Variants in PVT1 observed in about 807,000 individuals in gnomAD.
The protein encoded by PVT1 is Pvt1 oncogene.
chr8:127,903,879 T>C (rs967518716), intron 3 of PVT1, among the ~76,000 whole-genome samples: 3 of 152,258 alleles, frequency 2.0e-5, no homozygotes, highest in African/African-American at 4.8e-5. Context: ...GCTTTGTTCT[T>C]ATTTCTTAGA....
At chr8:128,079,651 C>CA (rs1184038318) in intron 5 of PVT1, among the ~76,000 whole-genome samples, 1 of 152,224 alleles carries the variant, frequency 6.6e-6, no homozygotes, top group Non-Finnish European at 1.5e-5. Context: ...TAACCCCTGG[C>CA]AACCCACTAA....
intron 4 of PVT1, among the ~76,000 whole-genome samples, chr8:128,064,089 G>A (rs775430882): frequency 2.6e-4 from 40 of 152,176 alleles, no homozygotes; most frequent in Non-Finnish European, 3.1e-4. Context: ...ACTCATTGCC[G>A]CAAGCATCTG....
intron 3 of PVT1, among the ~76,000 whole-genome samples, chr8:127,943,758 G>T (rs1415857332): frequency 6.6e-6 from 1 of 152,200 alleles, no homozygotes; most frequent in African/African-American, 2.4e-5. Context: ...TAGGGCTGAC[G>T]TGGGCTCTTC....
rs1247113758 is a variant in PVT1, at chr8:127,835,267, T to TA, written n.372+39202dup. ...TACACCATGGAATACTATGCAGCCA[T>TA]AAAAAAGAATGCATTCATGTCCTTT... On this transcript the variant is annotated intron_variant and non_coding_transcript_variant, in intron 2 of 10. Transcript: ENST00000651587. 2.0e-5 allele frequency among the ~76,000 whole-genome samples: 3 copies of TA among 152,128 alleles called. No homozygotes were observed. In the East Asian group the frequency reaches 5.8e-4, roughly 29 times the overall value.
rs551102777 is a variant in PVT1 at position 127,969,677 on chromosome 8, C to T, written n.783-19485C>T. On this transcript the variant is annotated intron_variant and non_coding_transcript_variant, in intron 3 of 10. Transcript: ENST00000651587. ...GGCTTCTCTCAGCCCTTCCTGGGTACAGTGCTAGGAAGTAAAGAGTCATAT... is the reference window on the plus strand; with the variant it reads ...GGCTTCTCTCAGCCCTTCCTGGGTATAGTGCTAGGAAGTAAAGAGTCATAT... Among the ~76,000 whole-genome samples, 41 of 152,224 alleles carry T rather than the reference C, an allele frequency of 2.7e-4. No homozygotes were observed. In the South Asian group the frequency reaches 6.7e-3, roughly 25 times the overall value.
intron 4 of PVT1, among the ~76,000 whole-genome samples, chr8:128,040,490 A>T (rs1813517597): frequency 6.6e-6 from 1 of 152,096 alleles, no homozygotes. Context: ...CACACATCCT[A>T]CTGATTCTGT....
chr8:127,850,797 T>A (rs141288391), intron 2 of PVT1, among the ~76,000 whole-genome samples: 7,640 of 152,194 alleles, frequency 0.05, 276 homozygotes, highest in South Asian at 0.12. Context: ...AGTGGGTGGA[T>A]CACCTGAGGT....
At chr8:127,956,977 A>G (rs1323258742) in intron 3 of PVT1, among the ~76,000 whole-genome samples, 1 of 152,130 alleles carries the variant, frequency 6.6e-6, no homozygotes, top group Non-Finnish European at 1.5e-5. Flanking sequence ...CATCATCACT[A>G]TCATTATCAC....
At chr8:127,796,895 T>G (rs1192136561) in intron 2 of PVT1, among the ~76,000 whole-genome samples, 24 of 149,652 alleles carry the variant, frequency 1.6e-4, no homozygotes, top group African/African-American at 5.6e-4. Flanking sequence ...TTTTTTTTTT[T>G]GAGACAGAGT....
intron 2 of PVT1, among the ~76,000 whole-genome samples, chr8:127,845,673 A>C (rs917389401): frequency 6.6e-6 from 1 of 152,188 alleles, no homozygotes; most frequent in Non-Finnish European, 1.5e-5. Flanking sequence ...AGCATTCTGG[A>C]AGCCGGCAGG....
rs144202001 is a variant in PVT1 at position 128,098,415 on chromosome 8, C to T, written n.1251+1761C>T. Reference sequence around the variant, plus strand: ...ATGGAAAGACAGCTGCCAAGGGGAACGGAGAGCTTTTCAAGTCACCCTTGT... The same window carrying T: ...ATGGAAAGACAGCTGCCAAGGGGAATGGAGAGCTTTTCAAGTCACCCTTGT... On this transcript the variant is annotated intron_variant and non_coding_transcript_variant, in intron 6 of 10. Transcript: ENST00000651587. Among the ~76,000 whole-genome samples the T allele has an allele frequency of 1.9e-3, 296 of 152,104 alleles. 3 individuals carry two copies. The highest frequency in any genetic ancestry group is 6.8e-3 in the African/African-American group (282 of 41,492).
At chr8:127,966,134 A>G (rs1816700601) in intron 3 of PVT1, among the ~76,000 whole-genome samples, 1 of 152,240 alleles carries the variant, frequency 6.6e-6, no homozygotes, top group South Asian at 2.1e-4. Context: ...TGGTTTCATA[A>G]CAAAACAAGA....
At chr8:127,831,302 A>G (rs1240933128) in intron 2 of PVT1, among the ~76,000 whole-genome samples, 2 of 151,994 alleles carry the variant, frequency 1.3e-5, no homozygotes, top group Admixed American at 1.3e-4. Context: ...AAAATTAAAA[A>G]AAAAAAAGAA....
chr8:127,935,494 G>T (rs1364301268), intron 3 of PVT1, among the ~76,000 whole-genome samples: 1 of 151,994 alleles, frequency 6.6e-6, no homozygotes, highest in Non-Finnish European at 1.5e-5. Flanking sequence ...GTGTTGTTAT[G>T]ATCCCCTGTT....
chr8:127,987,439 A>C (rs997613226), intron 3 of PVT1, among the ~76,000 whole-genome samples: 2 of 152,180 alleles, frequency 1.3e-5, no homozygotes, highest in African/African-American at 2.4e-5. Context: ...CCCTACACTA[A>C]GTTACAGTGG....
At chr8:128,055,219 G>A (rs1043269025) in intron 4 of PVT1, among the ~76,000 whole-genome samples, 21 of 151,990 alleles carry the variant, frequency 1.4e-4, no homozygotes, top group African/African-American at 4.8e-4. Context: ...CTATTTCTTT[G>A]GAGAACCTTG....
At chr8:127,979,498 G>A (rs1317515776) in intron 3 of PVT1, among the ~76,000 whole-genome samples, 1 of 152,206 alleles carries the variant, frequency 6.6e-6, no homozygotes, top group Non-Finnish European at 1.5e-5. Context: ...GGAAACAGAC[G>A]CTAAGATGTA....
chr8:127,808,466 C>T (rs2129655083), intron 2 of PVT1, among the ~76,000 whole-genome samples: 1 of 152,258 alleles, frequency 6.6e-6, no homozygotes, highest in East Asian at 1.9e-4. Flanking sequence ...TCAAAAGATT[C>T]GTGTGGCTGG....
chr8:127,945,316 C>T (rs923637164), intron 3 of PVT1, among the ~76,000 whole-genome samples: 3 of 152,204 alleles, frequency 2.0e-5, no homozygotes, highest in East Asian at 3.9e-4. Flanking sequence ...ACTTCACTGC[C>T]GTGGAGGCTA....
Sources: gnomAD v4.1 joint callset for allele counts (sites outside exome capture counted in the v4.1 genomes callset) on GRCh38, gnomAD v4.1.1 for gene constraint, MANE v1.5 for transcripts, NCBI Gene and HGNC (gene_info 2026-07-23, HGNC 2026-07-21) for gene names.